The following NRF1 variants were observed in gnomAD, a reference collection of about 807,000 sequenced individuals.
NRF1 encodes alpha palindromic-binding protein.
Under a neutral mutation model 58.5 loss-of-function variants are expected in NRF1, and 5 were observed. The observed-to-expected ratio is 0.09, with a 90% CI of 0.04 to 0.18. The LOEUF (loss-of-function observed/expected upper bound fraction) is 0.18, where lower values mean the gene tolerates loss of function less well. Ranked by LOEUF, NRF1 falls within the 10% of genes least tolerant of loss-of-function variation. NRF1 has a pLI of 1.00. For synonymous variants in NRF1, 224 were observed against 246.7 expected (o/e 0.91, Z 0.86); for missense variants, 288 against 657.7 (o/e 0.44, Z 6.15).
At chr7:129,612,295 C>CGCGG (rs140553648) in intron 1 of NRF1, among the ~76,000 whole-genome samples, 1 of 149,762 alleles carries the variant, frequency 6.7e-6, no homozygotes, top group African/African-American at 2.4e-5. Flanking sequence ...GGCTCTCGTA[C>CGCGG]GCGGGCGGGC....
At chr7:129,697,496 C>T (rs991779360) in intron 5 of NRF1, among the ~76,000 whole-genome samples, 9 of 146,728 alleles carry the variant, frequency 6.1e-5, no homozygotes, top group South Asian at 2.2e-4. Context: ...TGCAGTGAGC[C>T]GAGATCACAC....
chr7:129,713,087 C>T (rs978362653), intron 8 of NRF1, among the ~76,000 whole-genome samples: 4 of 144,568 alleles, frequency 2.8e-5, no homozygotes, highest in Middle Eastern at 3.6e-3. Context: ...AATGGAGTTG[C>T]GTTTCCTTTT....
At chr7:129,648,101 AGT>A (rs1413484875) in intron 1 of NRF1, among the ~76,000 whole-genome samples, 1 of 151,262 alleles carries the variant, frequency 6.6e-6, no homozygotes, top group African/African-American at 2.4e-5. Flanking sequence ...AAAAATCAAT[AGT>A]CTTTTGCCAC....
At chr7:129,640,349 C>T (rs1011499937) in intron 1 of NRF1, among the ~76,000 whole-genome samples, 1 of 146,270 alleles carries the variant, frequency 6.8e-6, no homozygotes, top group African/African-American at 2.5e-5. Flanking sequence ...GACCTGGTCC[C>T]TACAAAAAAA....
intron 9 of NRF1, among the ~76,000 whole-genome samples, chr7:129,724,590 C>G (rs1236407838): frequency 1.3e-5 from 2 of 152,204 alleles, no homozygotes; most frequent in Non-Finnish European, 2.9e-5. Flanking sequence ...CCCATGTTCA[C>G]AGCAGCATTA....
chr7:129,615,972 T>C (rs1800650625), intron 1 of NRF1, among the ~76,000 whole-genome samples: 1 of 152,190 alleles, frequency 6.6e-6, no homozygotes, highest in Non-Finnish European at 1.5e-5. Flanking sequence ...TTTAGTGCAA[T>C]ATGGACAAAA....
chr7:129,664,900 G>T (rs1363396279), intron 2 of NRF1, among the ~76,000 whole-genome samples: 1 of 152,186 alleles, frequency 6.6e-6, no homozygotes, highest in African/African-American at 2.4e-5. Context: ...AGGCTTATTG[G>T]GGGGAGAAAA....
intron 10 of NRF1, among the ~76,000 whole-genome samples, chr7:129,751,148 C>T (rs1275450534): frequency 6.6e-6 from 1 of 152,150 alleles, no homozygotes; most frequent in Non-Finnish European, 1.5e-5. Flanking sequence ...GGAGGAGCCC[C>T]CTCCAGGCAG....
intron 1 of NRF1, among the ~76,000 whole-genome samples, chr7:129,648,148 A>G (rs1186880917): frequency 6.6e-6 from 1 of 152,126 alleles, no homozygotes; most frequent in Non-Finnish European, 1.5e-5. Flanking sequence ...TTTCAGAGAC[A>G]ATTAGCTGTT....
intron 5 of NRF1, among the ~76,000 whole-genome samples, chr7:129,707,278 G>C (rs1396552406): frequency 6.6e-6 from 1 of 152,190 alleles, no homozygotes; most frequent in African/African-American, 2.4e-5. Flanking sequence ...ATAGGCATGA[G>C]CCACTGCACC....
At chr7:129,682,305 A>T (rs1048466474) in intron 4 of NRF1, among the ~76,000 whole-genome samples, 2 of 151,918 alleles carry the variant, frequency 1.3e-5, no homozygotes, top group Non-Finnish European at 2.9e-5. Context: ...CAAAAAATTT[A>T]AAAATTAGCC....
At chr7:129,707,808 C>T (rs940888350) in intron 5 of NRF1, among the ~76,000 whole-genome samples, 5 of 152,184 alleles carry the variant, frequency 3.3e-5, no homozygotes, top group Admixed American at 3.3e-4. Flanking sequence ...GCATGGCTAC[C>T]GTCAACCAGA....
chr7:129,686,960 A>G (rs1194609011), intron 4 of NRF1, among the ~76,000 whole-genome samples: 1 of 152,214 alleles, frequency 6.6e-6, no homozygotes, highest in African/African-American at 2.4e-5. Context: ...ACACAATGCT[A>G]TCACTTAGAA....
intron 8 of NRF1, among the ~76,000 whole-genome samples, chr7:129,716,786 G>A (rs898008838): frequency 3.3e-5 from 5 of 151,714 alleles, no homozygotes; most frequent in Admixed American, 6.6e-5. Flanking sequence ...CAGGAGAATC[G>A]CTCAACCTGG....
At chr7:129,648,494 T>C (rs1311020405) in intron 1 of NRF1, among the ~76,000 whole-genome samples, 1 of 152,134 alleles carries the variant, frequency 6.6e-6, no homozygotes, top group Non-Finnish European at 1.5e-5. Context: ...TTAGCCAGGA[T>C]GGTCTCTACC....
At chr7:129,715,240 G>A (rs1753160143) in intron 8 of NRF1, among the ~76,000 whole-genome samples, 1 of 152,170 alleles carries the variant, frequency 6.6e-6, no homozygotes, top group African/African-American at 2.4e-5. Context: ...CCTGACTGGG[G>A]AGGGTGCTAT....
In NRF1 at chr7:129,677,501, A is replaced by G. The variant is rs142868169; in HGVS notation, c.339-131A>G. The stretch of plus-strand genomic sequence containing the variant: ...TGCTGAATAGGATAGCAAACCTCAC[A>G]TTCCCCTTTTCACATTTTACGTAAA... On this transcript the variant is annotated intron_variant, in intron 3 of 10. Coordinates refer to ENST00000393232, the MANE Select transcript of NRF1 (RefSeq NM_005011.5). 1,022 of 780,724 alleles carry G rather than the reference A, an allele frequency of 1.3e-3. 8 individuals are homozygous for G. The African/African-American group carries it at 0.016, about 12-fold the overall frequency. 48.4% of individuals were successfully genotyped at this position (780,724 alleles called of 1,614,324 possible).
chr7:129,659,744 A>T (rs1221020617), intron 2 of NRF1, among the ~76,000 whole-genome samples: 3 of 152,184 alleles, frequency 2.0e-5, no homozygotes, highest in African/African-American at 7.2e-5. Context: ...AATTTTAGCC[A>T]TGAGATTTTG....
At chr7:129,656,486 G>A in intron 1 of NRF1, among the ~76,000 whole-genome samples, 1 of 151,966 alleles carries the variant, frequency 6.6e-6, no homozygotes, top group South Asian at 2.1e-4. Flanking sequence ...TGTAATAGAA[G>A]AGCCAACTTT....
Sources: gnomAD v4.1 joint callset for allele counts (sites outside exome capture counted in the v4.1 genomes callset) on GRCh38, gnomAD v4.1.1 for gene constraint, MANE v1.5 for transcripts, NCBI Gene and HGNC (gene_info 2026-07-23, HGNC 2026-07-21) for gene names.